The following EYS variants were observed in gnomAD, a reference collection of about 807,000 sequenced individuals.
The protein encoded by EYS is EGF-like photoreceptor maintenance factor.
EYS carries 250 observed loss-of-function variants against 282.1 expected under a neutral mutation model. That is an observed-to-expected ratio of 0.89 (90% CI 0.80 to 0.98). The LOEUF is 0.98. Among genes scored for constraint, EYS ranks in the 50% least tolerant of loss-of-function variants. The pLI is 0.00. For missense variants in EYS, 4,016 were observed against 3,709.0 expected (o/e 1.08, Z -2.15); for synonymous variants, 1,355 against 1,282.9 (o/e 1.06, Z -1.20).
chr6:64,757,744 TTGTGTGTGTGTGTGTG>T lies in EYS; in HGVS notation c.3443+55618_3443+55633del, dbSNP rs66825340. On this transcript the variant is annotated intron_variant, in intron 22 of 42. Transcript: ENST00000503581. ...AGATTAATTTTTTTTCTTTTTTTCTTTGTGTGTGTGTGTGTGTGTGTGTGTGTGTGTGTGTGTGTGT... is the reference window on the plus strand; with the variant it reads ...AGATTAATTTTTTTTCTTTTTTTCTTTGTGTGTGTGTGTGTGTGTGTGTGT... Among the ~76,000 whole-genome samples the T allele has an allele frequency of 6.4e-4, 89 of 139,908 alleles. No individual in the cohort carries two copies. The South Asian group carries it at 0.016, about 25-fold the overall frequency. The allele number at this position is 139,908 out of a possible 152,430, so 91.8% of individuals were successfully genotyped here. A position where few individuals can be genotyped will look rare whatever the true frequency, so the allele number is the denominator to read the frequency against.
chr6:64,377,480 G>A (rs747315932), intron 29 of EYS, among the ~76,000 whole-genome samples: 1 of 152,072 alleles, frequency 6.6e-6, no homozygotes, highest in Non-Finnish European at 1.5e-5. Context: ...CAATGACTGT[G>A]TAACTAAAGT....
chr6:65,520,277 T>C (rs1767316874), intron 2 of EYS, among the ~76,000 whole-genome samples: 1 of 152,146 alleles, frequency 6.6e-6, no homozygotes, highest in South Asian at 2.1e-4. Context: ...ATAATTTATA[T>C]ATGATAAAAA....
intron 22 of EYS, among the ~76,000 whole-genome samples, chr6:64,693,031 C>A (rs1301321654): frequency 3.6e-4 from 5 of 14,062 alleles, no homozygotes; most frequent in East Asian, 2.1e-3. Context: ...TTTTTTTTTT[C>A]TAATTCTGTG....
chr6:65,263,916 T>TA (rs1283266500), intron 12 of EYS, among the ~76,000 whole-genome samples: 2 of 150,012 alleles, frequency 1.3e-5, no homozygotes, highest in Non-Finnish European at 3.0e-5. Flanking sequence ...TGTCTCTCAA[T>TA]AAAAAACAAG....
At chr6:64,804,843 T>C (rs1764378851) in intron 22 of EYS, among the ~76,000 whole-genome samples, 1 of 152,126 alleles carries the variant, frequency 6.6e-6, no homozygotes, top group Non-Finnish European at 1.5e-5. Context: ...AAAACTAATT[T>C]GTAATTTTTG....
chr6:65,376,784 A>C (rs1765382866), intron 8 of EYS, among the ~76,000 whole-genome samples: 1 of 152,254 alleles, frequency 6.6e-6, no homozygotes, highest in Non-Finnish European at 1.5e-5. Context: ...GAAGGGCATT[A>C]CATAATGGTA....
rs144019487 is a variant in EYS, at chr6:64,971,035, G to C, written c.2260-25121C>G. Among the ~76,000 whole-genome samples the C allele has an allele frequency of 5.6e-3, 845 of 152,210 alleles. 9 individuals carry two copies. The highest frequency in any genetic ancestry group is 0.019 in the African/African-American group (785 of 41,542). On this transcript the variant is annotated intron_variant, in intron 14 of 42. Transcript: ENST00000503581. ...TAAGGAAGGCATAACTATAGACTCTGATATAATGCAAGAAAAAGCAAAATC... is the reference window on the plus strand; with the variant it reads ...TAAGGAAGGCATAACTATAGACTCTCATATAATGCAAGAAAAAGCAAAATC...
At chr6:64,024,583 G>T (rs1309803285) in intron 33 of EYS, among the ~76,000 whole-genome samples, 1 of 152,038 alleles carries the variant, frequency 6.6e-6, no homozygotes, top group Non-Finnish European at 1.5e-5. Context: ...TTCACTCTTT[G>T]CAATGAATCT....
At chr6:64,596,331 C>A (rs981899523) in intron 24 of EYS, among the ~76,000 whole-genome samples, 6 of 152,088 alleles carry the variant, frequency 3.9e-5, no homozygotes, top group African/African-American at 1.4e-4. Context: ...ATCAAAAGAC[C>A]AATGATATTT....
intron 12 of EYS, among the ~76,000 whole-genome samples, chr6:65,169,739 A>G (rs1382469529): frequency 1.3e-5 from 2 of 151,466 alleles, no homozygotes; most frequent in African/African-American, 4.8e-5. Flanking sequence ...TGCTAAATAA[A>G]TTATTTTACA....
intron 10 of EYS, among the ~76,000 whole-genome samples, chr6:65,343,031 T>C (rs1770256468): frequency 1.3e-5 from 2 of 151,262 alleles, no homozygotes; most frequent in South Asian, 4.2e-4. Context: ...GTGATGTATA[T>C]GTGATTGGCA....
chr6:65,260,854 G>A (rs571564349), intron 12 of EYS, among the ~76,000 whole-genome samples: 11 of 152,094 alleles, frequency 7.2e-5, no homozygotes, highest in Admixed American at 2.0e-4. Flanking sequence ...TTTCCTATAA[G>A]AACTTATTAG....
chr6:64,518,957 T>C (rs1314583414), intron 26 of EYS, among the ~76,000 whole-genome samples: 2 of 151,868 alleles, frequency 1.3e-5, no homozygotes, highest in African/African-American at 2.4e-5. Context: ...TATGTCTTTT[T>C]TAGCAGTGTG....
At chr6:64,933,527 T>G (rs1768799987) in intron 15 of EYS, among the ~76,000 whole-genome samples, 1 of 152,150 alleles carries the variant, frequency 6.6e-6, no homozygotes, top group African/African-American at 2.4e-5. Flanking sequence ...GCTTTTACAC[T>G]GTTGGTGGGA....
At chr6:64,989,724 TTTATA>T (rs1770997211) in intron 14 of EYS, among the ~76,000 whole-genome samples, 1 of 145,312 alleles carries the variant, frequency 6.9e-6, no homozygotes, top group South Asian at 2.1e-4. Flanking sequence ...ATAATATAAT[TTTATA>T]TTATATATAA....
At chr6:64,283,218 T>G (rs1768373659) in intron 30 of EYS, among the ~76,000 whole-genome samples, 1 of 152,158 alleles carries the variant, frequency 6.6e-6, no homozygotes, top group Non-Finnish European at 1.5e-5. Flanking sequence ...TGATTCATAT[T>G]TTTTTAAAGC....
intron 22 of EYS, among the ~76,000 whole-genome samples, chr6:64,785,156 A>C (rs991665743): frequency 6.6e-6 from 1 of 152,218 alleles, no homozygotes; most frequent in Admixed American, 6.5e-5. Context: ...ATGCATATTT[A>C]AGCCTGTCAC....
chr6:64,603,457 C>T (rs540897054), intron 24 of EYS, among the ~76,000 whole-genome samples: 1 of 152,002 alleles, frequency 6.6e-6, no homozygotes, highest in Non-Finnish European at 1.5e-5. Flanking sequence ...CAAGAGCACA[C>T]AGAACTTCGC....
At chr6:64,780,813 A>G (rs2149993334) in intron 22 of EYS, among the ~76,000 whole-genome samples, 1 of 152,278 alleles carries the variant, frequency 6.6e-6, no homozygotes, top group South Asian at 2.1e-4. Flanking sequence ...AAATTATTCT[A>G]TAGAGGAATT....
Sources: gnomAD v4.1 joint callset for allele counts (sites outside exome capture counted in the v4.1 genomes callset) on GRCh38, gnomAD v4.1.1 for gene constraint, MANE v1.5 for transcripts, NCBI Gene and HGNC (gene_info 2026-07-23, HGNC 2026-07-21) for gene names.